The following AP1S3 variants were observed in gnomAD, a reference collection of about 807,000 sequenced individuals.
AP1S3 encodes adaptor related protein complex 1 subunit sigma 3.
AP1S3 carries 10 observed loss-of-function variants against 20.9 expected under a neutral mutation model. The observed-to-expected ratio is 0.48, with a 90% CI of 0.29 to 0.81. The LOEUF (loss-of-function observed/expected upper bound fraction) is 0.81, where lower values mean the gene tolerates loss of function less well. Among genes scored for constraint, AP1S3 ranks in the 30% least tolerant of loss-of-function variants. The pLI is 0.08. For missense variants in AP1S3, 154 were observed against 183.8 expected, an observed-to-expected ratio of 0.84 and a Z score of 0.94; for synonymous variants, 41 against 61.5, an observed-to-expected ratio of 0.67 and a Z score of 1.56.
intron 1 of AP1S3, among the ~76,000 whole-genome samples, chr2:223,792,882 A>G (rs971801868): frequency 6.6e-6 from 1 of 152,122 alleles, no homozygotes; most frequent in African/African-American, 2.4e-5. Context: ...AAGAAAACAA[A>G]CAAACAAACA....
chr2:223,805,092 TAA>T (rs1691548587), intron 1 of AP1S3, among the ~76,000 whole-genome samples: 1 of 152,098 alleles, frequency 6.6e-6, no homozygotes, highest in African/African-American at 2.4e-5. Flanking sequence ...GCAGAAGCCT[TAA>T]AAAACTCATC....
chr2:223,827,300 C>T (rs777613277), intron 1 of AP1S3, among the ~76,000 whole-genome samples: 23 of 152,126 alleles, frequency 1.5e-4, no homozygotes, highest in Non-Finnish European at 3.2e-4. Context: ...AAGTTCTATA[C>T]AGACTTCTGA....
chr2:223,811,568 C>CA (rs143512043), intron 1 of AP1S3, among the ~76,000 whole-genome samples: 50,383 of 135,256 alleles, frequency 0.37, 9,110 homozygotes, highest in Middle Eastern at 0.44. Flanking sequence ...GACTCCATTT[C>CA]AAAAAAAAAA....
intron 1 of AP1S3, among the ~76,000 whole-genome samples, chr2:223,788,521 AG>A (rs1467378322): frequency 6.7e-6 from 1 of 149,604 alleles, no homozygotes; most frequent in African/African-American, 2.5e-5. Flanking sequence ...TGGGAGGCTG[AG>A]GTGGGTGGAT....
chr2:223,772,831 A>G (rs1690666136), intron 3 of AP1S3, among the ~76,000 whole-genome samples: 1 of 152,190 alleles, frequency 6.6e-6, no homozygotes. Context: ...AAAGAAAATC[A>G]AAGAGAAATA....
intron 1 of AP1S3, among the ~76,000 whole-genome samples, chr2:223,800,257 G>C (rs772972769): frequency 6.6e-6 from 1 of 151,248 alleles, no homozygotes; most frequent in Non-Finnish European, 1.5e-5. Context: ...TGTAGTCCAA[G>C]TATGATGGCT....
rs753106874 is a variant in AP1S3, at chr2:223,765,203, C to G, written c.429+10G>C. 6.2e-7 allele frequency: 1 copy of G among 1,609,136 alleles called. No individual in the cohort carries two copies. Among genetic ancestry groups the G allele is most frequent in the Non-Finnish European group, 8.5e-7 (1 of 1,179,022 alleles). ...CATCTTTCTCCCATGGTTTGGGAAA[C>G]CGTACTGACCTCCTGTAACATATCA... On this transcript the variant is annotated intron_variant, in intron 4 of 4. Coordinates refer to ENST00000396654, the MANE Select transcript of AP1S3 (RefSeq NM_001039569.2).
At chr2:223,783,196 C>G (rs1690989833) in intron 1 of AP1S3, among the ~76,000 whole-genome samples, 1 of 152,120 alleles carries the variant, frequency 6.6e-6, no homozygotes, top group African/African-American at 2.4e-5. Context: ...GGGACTCTCC[C>G]AGGAGACACC....
chr2:223,814,307 T>C (rs907817890), intron 1 of AP1S3, among the ~76,000 whole-genome samples: 11 of 152,152 alleles, frequency 7.2e-5, no homozygotes, highest in Non-Finnish European at 1.6e-4. Context: ...TTCTTTGTTT[T>C]CTGTGTTAAC....
chr2:223,778,117 TTTG>T (rs1455505393), intron 1 of AP1S3, among the ~76,000 whole-genome samples: 1 of 150,304 alleles, frequency 6.7e-6, no homozygotes, highest in African/African-American at 2.5e-5. Context: ...TTTTGTTTTT[TTTG>T]TTTGTTTGTT....
In AP1S3 at chr2:223,773,164, A is replaced by T. The variant is rs189566345; in HGVS notation, c.291+2737T>A. 205 of 633,720 alleles carry T rather than the reference A, an allele frequency of 3.2e-4. 10 individuals are homozygous for T. The Middle Eastern group carries it at 7.0e-3, about 22-fold the overall frequency. 39.3% of individuals were successfully genotyped at this position (633,720 alleles called of 1,614,324 possible). ...CTCTTGAGAAGCATAATGCCCTGAG[A>T]TATCTGGCTGAAATTTGGTCAGATA... On this transcript the variant is annotated intron_variant, in intron 3 of 4. Transcript: ENST00000396654.
intron 1 of AP1S3, among the ~76,000 whole-genome samples, chr2:223,780,337 AGAGAGAGAGAGAGAGAGAGAGT>A (rs1223222315): frequency 1.6e-4 from 20 of 125,298 alleles, no homozygotes; most frequent in East Asian, 4.8e-4. Context: ...AGAGAGAGAG[AGAGAGAGAGAGAGAGAGAGAGT>A]GTGTGTGTGT....
chr2:223,797,287 G>A (rs1201601658), intron 1 of AP1S3, among the ~76,000 whole-genome samples: 1 of 152,106 alleles, frequency 6.6e-6, no homozygotes, highest in African/African-American at 2.4e-5. Flanking sequence ...GGAGGAGAGA[G>A]CAGCAACTAT....
chr2:223,818,657 A>G (rs1691915652), intron 1 of AP1S3, among the ~76,000 whole-genome samples: 2 of 151,944 alleles, frequency 1.3e-5, no homozygotes, highest in Admixed American at 6.6e-5. Flanking sequence ...GGTTCAAGCT[A>G]TTCTCCTGCC....
chr2:223,775,059 A>G (rs1008883032), intron 3 of AP1S3, among the ~76,000 whole-genome samples: 2 of 152,238 alleles, frequency 1.3e-5, no homozygotes, highest in Non-Finnish European at 2.9e-5. Context: ...GAATTTAAAG[A>G]AAGCGTCATG....
At chr2:223,763,227 C>T (rs753242413) in intron 4 of AP1S3, among the ~76,000 whole-genome samples, 6 of 152,216 alleles carry the variant, frequency 3.9e-5, no homozygotes, top group Non-Finnish European at 8.8e-5. Flanking sequence ...ACCCATCAAG[C>T]CCCTCCACTC....
intron 1 of AP1S3, among the ~76,000 whole-genome samples, chr2:223,790,083 G>A (rs1447559910): frequency 3.3e-5 from 5 of 152,064 alleles, no homozygotes; most frequent in Admixed American, 1.3e-4. Context: ...GAGATTCCAG[G>A]AAGACAGTTT....
intron 3 of AP1S3, chr2:223,770,339 C>G (rs377550949): frequency 7.1e-6 from 11 of 1,549,834 alleles, no homozygotes; most frequent in Admixed American, 2.0e-5. Context: ...CAAAGTGAAC[C>G]TGACAGATAC....
chr2:223,803,187 C>T (rs1204174313), intron 1 of AP1S3, among the ~76,000 whole-genome samples: 5 of 152,122 alleles, frequency 3.3e-5, no homozygotes, highest in African/African-American at 9.7e-5. Flanking sequence ...GAAGGCAATC[C>T]ACCCCAGCTC....
Sources: allele counts gnomAD v4.1 joint callset (sites outside exome capture counted in the v4.1 genomes callset), GRCh38; gene constraint gnomAD v4.1.1; transcripts MANE v1.5; gene names NCBI Gene and HGNC (gene_info 2026-07-23, HGNC 2026-07-21).